The following TM6SF2 variants were observed in gnomAD, a reference collection of about 807,000 sequenced individuals.
TM6SF2 encodes the protein transmembrane 6 superfamily member 2.
A neutral mutation model predicts 41.0 loss-of-function variants in TM6SF2; 29 were observed. That is an observed-to-expected ratio of 0.71 (90% CI 0.53 to 0.96). The LOEUF is 0.96. TM6SF2 is among the 50% of genes least tolerant of loss of function. The probability of loss-of-function intolerance (pLI) is 0.00; values close to 1 mark genes in which losing one functional copy is unlikely to be tolerated. For missense variants in TM6SF2, 475 were observed against 499.0 expected, an observed-to-expected ratio of 0.95 and a Z score of 0.46; for synonymous variants, 200 against 209.1, an observed-to-expected ratio of 0.96 and a Z score of 0.37.
rs201138158 is a variant in TM6SF2 at position 19,270,260 on chromosome 19, C to T, written c.314G>A (p.Arg105His). The T allele has an allele frequency of 5.4e-4, 879 of 1,614,092 alleles. No homozygotes were observed. Among genetic ancestry groups the T allele is most frequent in the Non-Finnish European group, 7.1e-4 (835 of 1,180,048 alleles). Reference sequence around the variant, plus strand: ...GCAGATGAAGACTCCGTGCGCTGTGCGCAGGTATGGCTCTCCCTGTGGGGG... The same window carrying T: ...GCAGATGAAGACTCCGTGCGCTGTGTGCAGGTATGGCTCTCCCTGTGGGGG... ...FYTKEGEPYL[R>H]TAHGVFICYW... Residue 105 changes from arginine (R) to histidine (H), a missense_variant, in exon 4 of 10, where the codon CGC (arginine) becomes CAC (histidine). Arg to His is a conservative substitution (Grantham distance 29). This residue lies in a region of TM6SF2 where 238 missense variants were observed against 228.6 expected (regional missense o/e 1.04). Transcript: ENST00000389363.
At chr19:19,265,004 A>T in intron 9 of TM6SF2, 131 bp from the exon 10 acceptor site, 1 of 494,832 alleles carries the variant, frequency 2.0e-6, no homozygotes, top group Non-Finnish European at 3.4e-6. Flanking sequence ...GGCTTTGCTC[A>T]TCTATCTGTT....
In TM6SF2 at chr19:19,270,249, C is replaced by T. The variant is rs771388055; in HGVS notation, c.325G>A (p.Gly109Arg). 1.7e-5 allele frequency: 27 copies of T among 1,614,110 alleles called. No individual in the cohort carries two copies. The highest frequency in any genetic ancestry group is 3.3e-5 in the South Asian group (3 of 91,088). ...CCATCCCAGTAGCAGATGAAGACTC[C>T]GTGCGCTGTGCGCAGGTATGGCTCT... ...EGEPYLRTAH[G>R]VFICYWDGTV... The change falls in exon 4 of 10, where the codon GGA becomes AGA. Residue 109 changes from glycine (G) to arginine (R), a missense_variant. This residue lies in a region of TM6SF2 where 238 missense variants were observed against 228.6 expected (regional missense o/e 1.04). Transcript: ENST00000389363.
chr19:19,267,689 C>CA lies in TM6SF2; in HGVS notation c.735dup (p.Ala246CysfsTer10), dbSNP rs1472997376. ...TACTGGTAGATATAGACAAAGCAGG[C>CA]ATCTGTGGGGCAATCAAGCACCACC... On this transcript the variant is annotated frameshift_variant, in exon 8 of 10. Transcript: ENST00000389363. LOFTEE classifies it high-confidence loss of function. 2.5e-6 allele frequency: 4 copies of CA among 1,613,732 alleles called. No individual in the cohort carries two copies. Among genetic ancestry groups the CA allele is most frequent in the Non-Finnish European group, 3.4e-6 (4 of 1,179,914 alleles).
rs370960454 is a variant in TM6SF2, at chr19:19,270,428, C to T, written c.214G>A (p.Ala72Thr). ...ATGAGGTCCACAACCGAGGTGAAGG[C>T]GAAGACAGCGAAGACTGCAGTGAGT... ...DPLYAVFAVF[A>T]FTSVVDLIIA... Residue 72 changes from alanine to threonine, a missense_variant, in exon 3 of 10, where the codon GCC becomes ACC. Ala to Thr is a moderately conservative substitution (Grantham distance 58, BLOSUM62 0). Transcript: ENST00000389363. 14 of 1,609,488 alleles carry T rather than the reference C, an allele frequency of 8.7e-6. No individual in the cohort carries two copies. Among genetic ancestry groups the T allele is most frequent in the African/African-American group, 5.4e-5 (4 of 74,662 alleles).
intron 4 of TM6SF2, 73 bp downstream of exon 4, chr19:19,270,100 T>C (rs1367276783): frequency 6.3e-7 from 1 of 1,593,108 alleles, no homozygotes; most frequent in East Asian, 2.3e-5. Context: ...GGCTCCACCC[T>C]GCCCTGGGAC....
chr19:19,265,097 A>G (rs1458538521), intron 9 of TM6SF2, among the ~76,000 whole-genome samples: 1 of 139,890 alleles, frequency 7.1e-6, no homozygotes, highest in Non-Finnish European at 1.5e-5. Flanking sequence ...GCTGGAGTGC[A>G]GTGGTGCAAT....
Position 19,269,712 on chromosome 19 carries a change from C to A in TM6SF2, c.459G>T (p.Leu153=). The change falls in exon 5 of 10, where the codon CTG becomes CTT. Residue 153 remains leucine, a synonymous_variant. Coordinates refer to ENST00000389363, the MANE Select transcript of TM6SF2 (RefSeq NM_001001524.3). ...YWLGSFAMSI[L]VFLTGNILGK... is the part of the protein sequence containing the mutation. ...CAAGAATGTTTCCTGTAAGGAACAC[C>A]AGGATGCTCATGGCGAAGGAACCCA... The A allele has an allele frequency of 6.2e-7, 1 of 1,614,164 alleles. No individual in the cohort carries two copies. The highest frequency in any genetic ancestry group is 8.5e-7 in the Non-Finnish European group (1 of 1,180,024).
chr19:19,273,085 G>A, intron 1 of TM6SF2, 36 bp downstream of exon 1: 1 of 185,848 alleles, frequency 5.4e-6, no homozygotes, highest in Non-Finnish European at 8.6e-6. Context: ...CGCCCCCACT[G>A]TCCCCAAGGC....
intron 8 of TM6SF2, among the ~76,000 whole-genome samples, chr19:19,267,244 T>C (rs902282439): frequency 6.6e-6 from 1 of 151,640 alleles, no homozygotes; most frequent in Non-Finnish European, 1.5e-5. Context: ...GGCTCACGCC[T>C]GTAATCCCAG....
chr19:19,266,512 A>C lies in TM6SF2; in HGVS notation c.902T>G (p.Val301Gly). Residue 301 changes from valine (V) to glycine (G), a missense_variant, in exon 9 of 10, where the codon GTG (valine) becomes GGG (glycine). Physicochemically the swap from Val to Gly is moderately radical, Grantham distance 109. Transcript: ENST00000389363. ...GCSWLPDWALVFAGGIGQAQF... is the reference protein window; with the variant it reads ...GCSWLPDWALGFAGGIGQAQF... ...CACCTGGCCGATGCCTCCAGCAAAC[A>C]CCAAGGCCCAGTCTGGAAGCCAGGA... 10 of 1,613,932 alleles carry C rather than the reference A, an allele frequency of 6.2e-6. No homozygotes were observed. The highest frequency in any genetic ancestry group is 8.5e-6 in the Non-Finnish European group (10 of 1,179,918).
chr19:19,273,061 T>TCCCCCCCCCCCCCCCCCCCCCCCCTCCCC, intron 1 of TM6SF2, 60 bp downstream of exon 1: 1 of 305,470 alleles, frequency 3.3e-6, no homozygotes, highest in Non-Finnish European at 6.1e-6. Flanking sequence ...CCTCCAGTCC[T>TCCCCCCCCCCCCCCCCCCCCCCCCTCCCC]CCCCGCCCCC....
chr19:19,266,140 A>G (rs1599836070), intron 9 of TM6SF2, among the ~76,000 whole-genome samples: 1 of 152,036 alleles, frequency 6.6e-6, no homozygotes, highest in East Asian at 1.9e-4. Flanking sequence ...GGCCCTGCTA[A>G]GTCACTCTCT....
rs200633268 is a variant in TM6SF2, at chr19:19,266,542, C to T, written c.872G>A (p.Gly291Asp). ...GLAAYALTFP[G>D]CSWLPDWALV... ...GGCCCAGTCTGGAAGCCAGGAGCAA[C>T]CAGGGAAGGTGAGAGCATAGGCAGC... The change falls in exon 9 of 10, where the codon GGT becomes GAT. Residue 291 changes from glycine (G) to aspartate (D), a missense_variant. This residue lies in a region of TM6SF2 where 190 missense variants were observed against 190.2 expected (regional missense o/e 1.00). Transcript: ENST00000389363. 1 of 1,614,088 alleles carries T rather than the reference C, an allele frequency of 6.2e-7. No individual in the cohort carries two copies. Among genetic ancestry groups the T allele is most frequent in the African/African-American group, 1.3e-5 (1 of 75,056 alleles).
In TM6SF2 at chr19:19,268,184, C is replaced by CT. The variant is rs1172849541; in HGVS notation, c.610-98dup. On this transcript the variant is annotated intron_variant, in intron 6 of 9. Transcript: ENST00000389363. The stretch of plus-strand genomic sequence containing the variant: ...GGTTCCTAAGGCTCCTCCCTTCTTT[C>CT]TTTTTTTCTTTTTTTTCTTTTTTCT... 4 of 711,614 alleles carry CT rather than the reference C, an allele frequency of 5.6e-6. No homozygotes were observed. In the East Asian group the frequency reaches 1.2e-4, roughly 22 times the overall value. 44.1% of individuals were successfully genotyped at this position (711,614 alleles called of 1,614,324 possible).
chr19:19,270,686 T>C (rs1009996976), intron 2 of TM6SF2, among the ~76,000 whole-genome samples: 4 of 152,156 alleles, frequency 2.6e-5, no homozygotes, highest in African/African-American at 9.7e-5. Context: ...AGAGGCCCAG[T>C]GCCTGCCTTT....
intron 8 of TM6SF2, among the ~76,000 whole-genome samples, chr19:19,267,063 C>T (rs1014487799): frequency 1.3e-5 from 2 of 152,204 alleles, no homozygotes; most frequent in African/African-American, 4.8e-5. Context: ...AGAGTGAAGC[C>T]ATGCAAAGAA....
rs2061016232 is a variant in TM6SF2 at position 19,269,777 on chromosome 19, G to A, written c.402-8C>T. 6.2e-7 allele frequency: 1 copy of A among 1,613,924 alleles called. No individual in the cohort carries two copies. The highest frequency in any genetic ancestry group is 8.5e-7 in the Non-Finnish European group (1 of 1,179,996). ...AAATTCCGGTATCTCTTCCTGAGCA[G>A]GGGATGGAGGGGTGACCAGCAGGTA... On this transcript the variant is annotated splice_region_variant and splice_polypyrimidine_tract_variant and intron_variant, in intron 4 of 9. Transcript: ENST00000389363.
At position 19,273,184 on chromosome 19, in the gene TM6SF2, G is replaced by A. The variant is rs2061031213; in HGVS notation, c.32C>T (p.Ala11Val). MDIPPLAGKI[A>V]ALSLSALPVS... ...CGGGAGGGCGCTCAGCGACAGCGCC[G>A]CGATCTTGCCGGCCAGCGGCGGGAT... Residue 11 changes from alanine (A) to valine (V), a missense_variant, in exon 1 of 10, where the codon GCG (alanine) becomes GTG (valine). Ala to Val is a moderately conservative substitution (Grantham distance 64). Coordinates refer to ENST00000389363, the MANE Select transcript of TM6SF2 (RefSeq NM_001001524.3). The A allele has an allele frequency of 6.8e-7, 1 of 1,464,148 alleles. No individual in the cohort carries two copies. Among genetic ancestry groups the A allele is most frequent in the Non-Finnish European group, 9.0e-7 (1 of 1,112,378 alleles). The allele number at this position is 1,464,148 out of a possible 1,614,324, so 90.7% of individuals were successfully genotyped here. A position where few individuals can be genotyped will look rare whatever the true frequency, so the allele number is the denominator to read the frequency against.
intron 1 of TM6SF2, among the ~76,000 whole-genome samples, chr19:19,271,782 C>T (rs372610360): frequency 2.6e-5 from 4 of 152,162 alleles, no homozygotes; most frequent in African/African-American, 4.8e-5. Context: ...TTGCCCACCT[C>T]GGCCTCCCAA....
Sources: gnomAD v4.1 joint callset for allele counts (sites outside exome capture counted in the v4.1 genomes callset) on GRCh38, gnomAD v4.1.1 for gene constraint, gnomAD v4.1.1 regional missense constraint, MANE v1.5 for transcripts, NCBI Gene and HGNC (gene_info 2026-07-23, HGNC 2026-07-21) for gene names.